JHY: variants seen among roughly 807,000 people sequenced by gnomAD.
The protein encoded by JHY is jhy protein homolog.
JHY carries 69 observed loss-of-function variants against 78.0 expected under a neutral mutation model. The observed-to-expected ratio is 0.88, with a 90% CI of 0.73 to 1.08. JHY has a LOEUF of 1.08. Among genes scored for constraint, JHY ranks in the 50% least tolerant of loss-of-function variants. The pLI is 0.00. For synonymous variants in JHY, 368 were observed against 342.6 expected (o/e 1.07, Z -0.82); for missense variants, 944 against 927.8 (o/e 1.02, Z -0.23).
At chr11:122,939,671 A>G (rs928455759) in intron 5 of JHY, among the ~76,000 whole-genome samples, 1 of 152,158 alleles carries the variant, frequency 6.6e-6, no homozygotes, top group Non-Finnish European at 1.5e-5. Flanking sequence ...CCTAGTAAAA[A>G]CTTGGGGGAA....
chr11:122,904,723 G>A (rs1862948242), intron 3 of JHY, among the ~76,000 whole-genome samples: 1 of 152,210 alleles, frequency 6.6e-6, no homozygotes, highest in Admixed American at 6.5e-5. Flanking sequence ...ATTGCTATAA[G>A]TAATTATAAG....
chr11:122,931,446 A>G (rs756563044), intron 4 of JHY, among the ~76,000 whole-genome samples: 37 of 152,216 alleles, frequency 2.4e-4, no homozygotes, highest in Non-Finnish European at 5.1e-4. Flanking sequence ...CTATCAATAG[A>G]TCTATGCTTC....
intron 4 of JHY, 133 bp downstream of exon 4, chr11:122,925,143 A>G (rs765910830): frequency 1.8e-5 from 13 of 709,810 alleles, no homozygotes; most frequent in Non-Finnish European, 2.8e-5. Context: ...TCCTATGGGT[A>G]AGACTGGCTT....
At chr11:122,902,784 G>A (rs531927476) in intron 2 of JHY, among the ~76,000 whole-genome samples, 2 of 152,210 alleles carry the variant, frequency 1.3e-5, no homozygotes, top group South Asian at 4.2e-4. Context: ...AGGGTGGATG[G>A]TGCTTGCTAA....
In JHY at chr11:122,945,170, A is replaced by T. The variant is rs899642491; in HGVS notation, c.1635-1328A>T. ...GTGCCTTTTTAACTGTTTTTATTTT[A>T]CACCTTTTATTTCTCAGTGCTTCTT... On this transcript the variant is annotated intron_variant, in intron 5 of 8. Coordinates refer to ENST00000227349, the MANE Select transcript of JHY (RefSeq NM_024806.4). Among the ~76,000 whole-genome samples the T allele has an allele frequency of 2.6e-5, 4 of 152,268 alleles. No individual in the cohort carries two copies. The East Asian group carries it at 7.7e-4, about 29-fold the overall frequency.
At chr11:122,910,508 A>C (rs1863093714) in intron 3 of JHY, among the ~76,000 whole-genome samples, 2 of 151,940 alleles carry the variant, frequency 1.3e-5, no homozygotes, top group African/African-American at 2.4e-5. Flanking sequence ...AAGGAATAAA[A>C]ATATATATTG....
chr11:122,918,384 AAAT>A (rs60662133), intron 3 of JHY, among the ~76,000 whole-genome samples: 122,303 of 150,946 alleles, frequency 0.81, 50,382 homozygotes, highest in African/African-American at 0.95. Context: ...GTAAGGAGAC[AAAT>A]AATAAGGCTG....
At chr11:122,916,591 T>C (rs1291812046) in intron 3 of JHY, among the ~76,000 whole-genome samples, 1 of 152,128 alleles carries the variant, frequency 6.6e-6, no homozygotes, top group East Asian at 1.9e-4. Flanking sequence ...TTTAAGAACA[T>C]AATTTCTAGG....
intron 3 of JHY, among the ~76,000 whole-genome samples, chr11:122,912,911 A>T (rs532194749): frequency 1.3e-5 from 2 of 152,286 alleles, no homozygotes; most frequent in Admixed American, 1.3e-4. Context: ...CTCGGGGCAG[A>T]CACTCAGTGA....
chr11:122,929,887 T>A (rs1424518207), intron 4 of JHY, among the ~76,000 whole-genome samples: 1 of 151,906 alleles, frequency 6.6e-6, no homozygotes, highest in East Asian at 1.9e-4. Context: ...AATAAAAAGG[T>A]CAAGAAAAAA....
At chr11:122,951,677 T>A (rs1332394138) in intron 6 of JHY, among the ~76,000 whole-genome samples, 1 of 152,194 alleles carries the variant, frequency 6.6e-6, no homozygotes, top group East Asian at 1.9e-4. Flanking sequence ...CGGGGCACAC[T>A]GTGTCCCAAG....
intron 5 of JHY, among the ~76,000 whole-genome samples, chr11:122,941,886 T>A (rs1288144059): frequency 1.3e-5 from 2 of 152,070 alleles, no homozygotes; most frequent in African/African-American, 4.8e-5. Context: ...TATTTATTTA[T>A]TTTTAGACAG....
chr11:122,952,630 T>C (rs1864112840), intron 6 of JHY, among the ~76,000 whole-genome samples: 1 of 152,128 alleles, frequency 6.6e-6, no homozygotes, highest in Non-Finnish European at 1.5e-5. Context: ...TTTATTGGAG[T>C]TAATAGTAAG....
intron 6 of JHY, 117 bp downstream of exon 6, chr11:122,946,909 GT>G: frequency 8.1e-7 from 1 of 1,239,164 alleles, no homozygotes; most frequent in Non-Finnish European, 1.1e-6. Context: ...GCCACACTGG[GT>G]CGCCCAGAGT....
Position 122,924,965 on chromosome 11 carries a change from C to T in JHY, c.933C>T (p.Ala311=). The change falls in exon 4 of 9, where the codon GCC becomes GCT. Residue 311 remains alanine (A), a synonymous_variant. Transcript: ENST00000227349. ...IQNAKEMENA[A]IDPEDKWHQR... ...ATGCCAAGGAAATGGAAAATGCTGC[C>T]ATCGATCCTGAAGATAAATGGCATC... The T allele has an allele frequency of 6.2e-7, 1 of 1,614,100 alleles. No homozygotes were observed. The highest frequency in any genetic ancestry group is 1.7e-5 in the Admixed American group (1 of 60,014).
chr11:122,916,413 AC>A (rs1863235480), intron 3 of JHY, among the ~76,000 whole-genome samples: 1 of 152,178 alleles, frequency 6.6e-6, no homozygotes. Flanking sequence ...ATATAAATAT[AC>A]ACTAATTCAC....
intron 3 of JHY, among the ~76,000 whole-genome samples, chr11:122,916,763 C>A (rs1314037357): frequency 1.3e-5 from 2 of 152,064 alleles, no homozygotes; most frequent in African/African-American, 4.8e-5. Context: ...GCTCAGCCAC[C>A]GAGTAGCTGG....
Position 122,886,168 on chromosome 11 carries a change from A to T in JHY, c.319A>T (p.Thr107Ser), listed in dbSNP as rs755726738. The change falls in exon 2 of 9, where the codon ACC becomes TCC. Residue 107 changes from threonine to serine, a missense_variant. Physicochemically the swap from Thr to Ser is moderately conservative, Grantham distance 58. Coordinates refer to ENST00000227349, the MANE Select transcript of JHY (RefSeq NM_024806.4). ...AQMAREQNHH[T>S]WDQGANNRQQ... ...GATGGCTCGCGAGCAAAACCACCAT[A>T]CCTGGGACCAGGGCGCCAATAACAG... is the stretch of plus-strand genomic sequence containing the variant. 6.2e-7 allele frequency: 1 copy of T among 1,612,054 alleles called. No individual in the cohort carries two copies. The highest frequency in any genetic ancestry group is 2.2e-5 in the East Asian group (1 of 44,838).
intron 3 of JHY, among the ~76,000 whole-genome samples, chr11:122,907,240 A>G (rs1254686657): frequency 2.7e-5 from 4 of 150,002 alleles, no homozygotes; most frequent in Non-Finnish European, 5.9e-5. Context: ...TCAGTAGCAT[A>G]AACTGATGTG....
Sources: gnomAD v4.1 joint callset for allele counts (sites outside exome capture counted in the v4.1 genomes callset) on GRCh38, gnomAD v4.1.1 for gene constraint, MANE v1.5 for transcripts, NCBI Gene and HGNC (gene_info 2026-07-23, HGNC 2026-07-21) for gene names.